WWC1: variants seen among roughly 807,000 people sequenced by gnomAD.
WWC1 encodes WW and C2 domain containing 1.
WWC1 carries 55 observed loss-of-function variants against 138.4 expected under a neutral mutation model. The observed-to-expected ratio is 0.40, with a 90% confidence interval of 0.32 to 0.50. The LOEUF (loss-of-function observed/expected upper bound fraction) is 0.50, where lower values mean the gene tolerates loss of function less well. Among genes scored for constraint, WWC1 ranks in the 20% least tolerant of loss-of-function variants. WWC1 has a pLI of 0.72. For synonymous variants in WWC1, 524 were observed against 564.9 expected (o/e 0.93, Z 1.03); for missense variants, 1,226 against 1,420.4 (o/e 0.86, Z 2.20).
chr5:168,388,934 G>C (rs900699633), intron 3 of WWC1, among the ~76,000 whole-genome samples: 1 of 152,124 alleles, frequency 6.6e-6, no homozygotes, highest in Non-Finnish European at 1.5e-5. Context: ...ATGATTAGTA[G>C]AGGGCTTATT....
At chr5:168,406,392 C>T (rs79808995) in intron 6 of WWC1, 65 bp downstream of exon 6, 73,170 of 1,593,608 alleles carry the variant, frequency 0.046, 1,902 homozygotes, top group Non-Finnish European at 0.053. Context: ...GTATGCCAGT[C>T]GTATGCGGGC....
At chr5:168,329,350 G>A (rs987936472) in intron 1 of WWC1, among the ~76,000 whole-genome samples, 1 of 152,154 alleles carries the variant, frequency 6.6e-6, no homozygotes. Context: ...CTTTTCCAAC[G>A]TGAGCTTATT....
chr5:168,395,147 C>T (rs1778797827), intron 3 of WWC1, among the ~76,000 whole-genome samples: 1 of 152,252 alleles, frequency 6.6e-6, no homozygotes, highest in Non-Finnish European at 1.5e-5. Context: ...CAGCCAACCT[C>T]TCCCTGTCTG....
Position 168,428,696 on chromosome 5 carries a change from T to C in WWC1, c.1920-11T>C. The C allele has an allele frequency of 6.2e-7, 1 of 1,613,936 alleles. No homozygotes were observed. Among genetic ancestry groups the C allele is most frequent in the Non-Finnish European group, 8.5e-7 (1 of 1,179,868 alleles). On this transcript the variant is annotated splice_polypyrimidine_tract_variant and intron_variant, in intron 12 of 22. Coordinates refer to ENST00000265293, the MANE Select transcript of WWC1 (RefSeq NM_015238.3). ...GGGAAGCCTAACTCCTCCTCCCCTG[T>C]TGCCTTTCAGACTGGGTGCTTCAGA...
intron 2 of WWC1, among the ~76,000 whole-genome samples, chr5:168,381,771 T>G (rs1777652901): frequency 6.7e-6 from 1 of 148,846 alleles, no homozygotes; most frequent in South Asian, 2.1e-4. Flanking sequence ...TTTTTTTTTT[T>G]GAAGCTTCTC....
chr5:168,458,977 G>A (rs1043738938), intron 19 of WWC1, among the ~76,000 whole-genome samples: 3 of 152,084 alleles, frequency 2.0e-5, no homozygotes, highest in Non-Finnish European at 4.4e-5. Flanking sequence ...TAAAAGGCTG[G>A]GCACAGTGGC....
intron 1 of WWC1, among the ~76,000 whole-genome samples, chr5:168,294,553 G>A (rs1769355466): frequency 6.6e-6 from 1 of 152,006 alleles, no homozygotes; most frequent in African/African-American, 2.4e-5. Flanking sequence ...GAAACATAGT[G>A]GCACTTAGGT....
At chr5:168,369,605 G>T (rs1343400253) in intron 1 of WWC1, among the ~76,000 whole-genome samples, 1 of 152,080 alleles carries the variant, frequency 6.6e-6, no homozygotes, top group Non-Finnish European at 1.5e-5. Context: ...ACATACCTCT[G>T]GCCTCATCCT....
chr5:168,304,135 C>A (rs1244386941), intron 1 of WWC1, among the ~76,000 whole-genome samples: 2 of 152,200 alleles, frequency 1.3e-5, no homozygotes, highest in Non-Finnish European at 1.5e-5. Context: ...ACTGACCAGG[C>A]AGTTCTAATG....
intron 15 of WWC1, among the ~76,000 whole-genome samples, chr5:168,434,034 G>C (rs1051714250): frequency 6.6e-6 from 1 of 152,256 alleles, no homozygotes. Context: ...CCAGCACAGG[G>C]CTCCCTGGAG....
intron 19 of WWC1, among the ~76,000 whole-genome samples, chr5:168,456,420 G>A (rs924932362): frequency 6.6e-6 from 1 of 152,178 alleles, no homozygotes; most frequent in Non-Finnish European, 1.5e-5. Flanking sequence ...ATCACTTGAG[G>A]CCAGGAGTTC....
At chr5:168,414,892 C>CAG (rs1165716399) in intron 9 of WWC1, 3 of 321,774 alleles carry the variant, frequency 9.3e-6, no homozygotes, top group Non-Finnish European at 1.7e-5. Context: ...TAACTTAAAG[C>CAG]AGTCATTTTC....
At chr5:168,348,508 G>A (rs1774668037) in intron 1 of WWC1, among the ~76,000 whole-genome samples, 1 of 152,188 alleles carries the variant, frequency 6.6e-6, no homozygotes, top group Non-Finnish European at 1.5e-5. Flanking sequence ...CCGGGGTGGG[G>A]TGGAAGCTTG....
chr5:168,306,052 G>C (rs1770530809), intron 1 of WWC1, among the ~76,000 whole-genome samples: 1 of 152,202 alleles, frequency 6.6e-6, no homozygotes, highest in Admixed American at 6.5e-5. Flanking sequence ...TGGAAAAATT[G>C]AGATGATTCA....
chr5:168,358,783 C>CATATAT (rs60612991), intron 1 of WWC1, among the ~76,000 whole-genome samples: 4 of 148,924 alleles, frequency 2.7e-5, no homozygotes, highest in East Asian at 2.0e-4. Context: ...CTTTGACACG[C>CATATAT]ATATATATAT....
At chr5:168,381,737 G>T (rs1777647881) in intron 2 of WWC1, among the ~76,000 whole-genome samples, 1 of 150,318 alleles carries the variant, frequency 6.7e-6, no homozygotes, top group East Asian at 1.9e-4. Context: ...GTTCTTCGGG[G>T]GGTGGGGTGG....
In WWC1 at chr5:168,424,060, T is replaced by C; in HGVS notation, c.1802T>C (p.Leu601Pro). 1 of 1,596,760 alleles carries C rather than the reference T, an allele frequency of 6.3e-7. No homozygotes were observed. Among genetic ancestry groups the C allele is most frequent in the Non-Finnish European group, 8.5e-7 (1 of 1,171,676 alleles). The part of the protein sequence containing the change: ...LEEPGTEGKQ[L>P]GQAVNTAQGC... Reference sequence around the variant, plus strand: ...GAACCAGGAACGGAGGGCAAGCAGCTGGGCCAAGGTAGAGAGCACCATACC... The same window carrying C: ...GAACCAGGAACGGAGGGCAAGCAGCCGGGCCAAGGTAGAGAGCACCATACC... The change falls in exon 11 of 23, where the codon CTG becomes CCG. Residue 601 changes from leucine (L) to proline (P), a missense_variant. Physicochemically the swap from Leu to Pro is moderately conservative, Grantham distance 98 (BLOSUM62 -3). Around this residue, in one of 3 missense-constraint regions of WWC1, gnomAD observed 1,016 missense variants for 1,153.9 expected, o/e 0.88. Transcript: ENST00000265293.
At chr5:168,340,028 TTTC>T (rs1773910129) in intron 1 of WWC1, among the ~76,000 whole-genome samples, 1 of 148,092 alleles carries the variant, frequency 6.8e-6, no homozygotes, top group Non-Finnish European at 1.5e-5. Flanking sequence ...CTTTCTTTCC[TTTC>T]TTTCCTTTCT....
chr5:168,409,538 A>G (rs1236846019), intron 7 of WWC1, among the ~76,000 whole-genome samples: 2 of 152,108 alleles, frequency 1.3e-5, no homozygotes, highest in African/African-American at 4.8e-5. Context: ...TGAGTTTTCT[A>G]TGGATCCCCT....
Sources: allele counts gnomAD v4.1 joint callset (sites outside exome capture counted in the v4.1 genomes callset), GRCh38; gene constraint gnomAD v4.1.1; regional missense constraint gnomAD v4.1.1; transcripts MANE v1.5; gene names NCBI Gene and HGNC (gene_info 2026-07-23, HGNC 2026-07-21).